COA7: variants seen among roughly 807,000 people sequenced by gnomAD.
COA7 encodes the protein cytochrome c oxidase assembly factor 7.
Under a neutral mutation model 21.0 loss-of-function variants are expected in COA7, and 12 were observed. The observed-to-expected ratio is 0.57, with a 90% CI of 0.37 to 0.92. The LOEUF is 0.92. Among genes scored for constraint, COA7 ranks in the 40% least tolerant of loss-of-function variants. COA7 has a pLI of 0.01. For synonymous variants in COA7, 95 were observed against 107.4 expected (o/e 0.88, Z 0.72); for missense variants, 240 against 286.1 (o/e 0.84, Z 1.16).
intron 2 of COA7, among the ~76,000 whole-genome samples, chr1:52,690,552 C>G (rs1290935112): frequency 6.6e-6 from 1 of 152,038 alleles, no homozygotes. Context: ...AAACTGCTGA[C>G]CTACAAATTA....
chr1:52,692,858 CG>C lies in COA7; in HGVS notation c.115del (p.Arg39GlyfsTer20). 1 of 1,614,130 alleles carries C rather than the reference CG, an allele frequency of 6.2e-7. No individual in the cohort carries two copies. ...YHEKDPDGCY[R>X]LVDYLEGIRK... ...GATCCCTTCCAAATAGTCCACCAGC[CG>C]ATAGCAACCTGCGAGAAGAGGGCAA... On this transcript the variant is annotated frameshift_variant, in exon 2 of 3. Transcript: ENST00000371538. LOFTEE classifies it high-confidence loss of function.
rs1349423349 is a variant in COA7, at chr1:52,698,214, C to G, written c.106+7G>C. 1 of 1,601,812 alleles carries G rather than the reference C, an allele frequency of 6.2e-7. No homozygotes were observed. Among genetic ancestry groups the G allele is most frequent in the East Asian group, 2.2e-5 (1 of 44,768 alleles). On this transcript the variant is annotated splice_region_variant and intron_variant, in intron 1 of 2. Transcript: ENST00000371538. ...ACGCGTCGCCGGGCTGCGCTGGAGCCGCTCACCGTCCGGGTCCTTCTCGTG... is the reference window on the plus strand; with the variant it reads ...ACGCGTCGCCGGGCTGCGCTGGAGCGGCTCACCGTCCGGGTCCTTCTCGTG...
rs1455633612 is a variant in COA7 at position 52,686,165 on chromosome 1, C to G, written c.*1555G>C. The G allele has an allele frequency of 6.6e-6, 1 of 151,986 alleles. No homozygotes were observed. The highest frequency in any genetic ancestry group is 2.4e-5 in the African/African-American group (1 of 41,380). The allele number at this position is 151,986 out of a possible 1,614,324, so 9.4% of individuals were successfully genotyped here. A position where few individuals can be genotyped will look rare whatever the true frequency, so the allele number is the denominator to read the frequency against. ...ACAGGCATGAGCCACCACGCCTGGC[C>G]TGACCTAGTTTAAGCACACCAAAAG... On this transcript the variant is annotated 3_prime_UTR_variant, in exon 3 of 3. Transcript: ENST00000371538.
intron 2 of COA7, among the ~76,000 whole-genome samples, chr1:52,691,214 G>A (rs1170898038): frequency 6.6e-6 from 1 of 151,854 alleles, no homozygotes; most frequent in Non-Finnish European, 1.5e-5. Context: ...CCAGGAGTTT[G>A]AGACCAGCCT....
At chr1:52,697,586 T>A (rs1001574947) in intron 1 of COA7, among the ~76,000 whole-genome samples, 11 of 152,240 alleles carry the variant, frequency 7.2e-5, no homozygotes, top group African/African-American at 2.4e-4. Flanking sequence ...TTATTTATTT[T>A]TTTTGAGACG....
At chr1:52,696,829 G>T (rs778271035) in intron 1 of COA7, among the ~76,000 whole-genome samples, 1 of 150,132 alleles carries the variant, frequency 6.7e-6, no homozygotes, top group Admixed American at 6.6e-5. Context: ...AAAAAAAAAG[G>T]CTGGGCACGG....
Position 52,685,766 on chromosome 1 carries a change from A to G in COA7, c.*1954T>C, listed in dbSNP as rs988363601. On this transcript the variant is annotated 3_prime_UTR_variant, in exon 3 of 3. Coordinates refer to ENST00000371538, the MANE Select transcript of COA7 (RefSeq NM_023077.3). ...TTTTTAGTAGATACGAGGTTTCACT[A>G]TGTTGGCCAGGCTGTTCTCGAAATC... 2 of 152,042 alleles carry G rather than the reference A, an allele frequency of 1.3e-5. No homozygotes were observed. Among genetic ancestry groups the G allele is most frequent in the African/African-American group, 4.8e-5 (2 of 41,354 alleles). The allele number at this position is 152,042 out of a possible 1,614,324, so 9.4% of individuals were successfully genotyped here.
chr1:52,688,051 T>C lies in COA7; in HGVS notation c.365A>G (p.Gln122Arg). Residue 122 changes from glutamine (Q) to arginine (R), a missense_variant, in exon 3 of 3, where the codon CAG becomes CGG. By Grantham distance (43) the Gln-to-Arg change is conservative. This residue lies in a region of COA7 where 163 missense variants were observed against 214.1 expected (regional missense o/e 0.76). Coordinates refer to ENST00000371538, the MANE Select transcript of COA7 (RefSeq NM_023077.3). ...GTCAGGCTGGCCATCCTCATTAACCTGTCCATCATGTGCCAGGAGGCCAAC... is the reference window on the plus strand; with the variant it reads ...GTCAGGCTGGCCATCCTCATTAACCCGTCCATCATGTGCCAGGAGGCCAAC... ...HNVGLLAHDG[Q>R]VNEDGQPDLG... is the part of the protein sequence containing the mutation. The C allele has an allele frequency of 1.2e-6, 2 of 1,614,200 alleles. No individual in the cohort carries two copies. The highest frequency in any genetic ancestry group is 1.7e-6 in the Non-Finnish European group (2 of 1,180,030).
intron 1 of COA7, among the ~76,000 whole-genome samples, chr1:52,696,501 C>T (rs1356621175): frequency 1.3e-5 from 2 of 151,974 alleles, no homozygotes; most frequent in African/African-American, 4.8e-5. Flanking sequence ...AGCCATCATA[C>T]TGCAGAGCAA....
At chr1:52,693,112 C>A (rs965200176) in intron 1 of COA7, among the ~76,000 whole-genome samples, 2 of 152,190 alleles carry the variant, frequency 1.3e-5, no homozygotes, top group African/African-American at 2.4e-5. Flanking sequence ...GAGACCTCAG[C>A]CCCTGCATTG....
chr1:52,688,420 A>G (rs915643121), intron 2 of COA7, among the ~76,000 whole-genome samples: 13 of 151,938 alleles, frequency 8.6e-5, no homozygotes, highest in Non-Finnish European at 1.6e-4. Context: ...CTAATTTTTA[A>G]ATTTTTTTGT....
In COA7 at chr1:52,687,170, A is replaced by C; in HGVS notation, c.*550T>G. The C allele has an allele frequency of 6.4e-6, 1 of 156,094 alleles. No homozygotes were observed. Among genetic ancestry groups the C allele is most frequent in the East Asian group, 1.9e-4 (1 of 5,284 alleles). The allele number at this position is 156,094 out of a possible 1,614,324, so 9.7% of individuals were successfully genotyped here. ...TAAAGGCAAAACGAAGCCCACACCA[A>C]TGATTATGTAAGTCAGAGGGTGGTA... is the stretch of plus-strand genomic sequence containing the variant. On this transcript the variant is annotated 3_prime_UTR_variant, in exon 3 of 3. Coordinates refer to ENST00000371538, the MANE Select transcript of COA7 (RefSeq NM_023077.3).
intron 1 of COA7, among the ~76,000 whole-genome samples, chr1:52,696,014 T>C (rs932966757): frequency 1.3e-5 from 2 of 152,150 alleles, no homozygotes; most frequent in Non-Finnish European, 2.9e-5. Context: ...TTCCAAAAGA[T>C]AGCACTTTCT....
At position 52,685,338 on chromosome 1, in the gene COA7, T is replaced by C. The variant is rs1643993225; in HGVS notation, c.*2382A>G. 1 of 152,280 alleles carries C rather than the reference T, an allele frequency of 6.6e-6. No homozygotes were observed. The highest frequency in any genetic ancestry group is 2.4e-5 in the African/African-American group (1 of 41,478). The allele number at this position is 152,280 out of a possible 1,614,324, so 9.4% of individuals were successfully genotyped here. A position where few individuals can be genotyped will look rare whatever the true frequency, so the allele number is the denominator to read the frequency against. ...ATAGTTGTATAGTGGTCTGTTGTTCTAACTTGCATTTTCCTGATGACATGT... is the reference window on the plus strand; with the variant it reads ...ATAGTTGTATAGTGGTCTGTTGTTCCAACTTGCATTTTCCTGATGACATGT... On this transcript the variant is annotated 3_prime_UTR_variant, in exon 3 of 3. Transcript: ENST00000371538.
rs138586282 is a variant in COA7 at position 52,685,579 on chromosome 1, T to C, written c.*2141A>G. 6.6e-6 allele frequency: 1 copy of C among 151,758 alleles called. No homozygotes were observed. Among genetic ancestry groups the C allele is most frequent in the Non-Finnish European group, 1.5e-5 (1 of 67,944 alleles). 9.4% of individuals were successfully genotyped at this position (151,758 alleles called of 1,614,324 possible). Reference sequence around the variant, plus strand: ...GTTTTGTGTGTGTGTGTGTGTGTGTTTTTTTGAGACAGAGTCTCACTCTGT... The same window carrying C: ...GTTTTGTGTGTGTGTGTGTGTGTGTCTTTTTGAGACAGAGTCTCACTCTGT... On this transcript the variant is annotated 3_prime_UTR_variant, in exon 3 of 3. Transcript: ENST00000371538.
Position 52,687,720 on chromosome 1 carries a change from T to C in COA7, c.696A>G (p.Ter232=). The C allele has an allele frequency of 6.2e-7, 1 of 1,612,864 alleles. No homozygotes were observed. Residue 232 remains the stop codon, a stop_retained_variant, in exon 3 of 3, where the codon TAA becomes TAG. Coordinates refer to ENST00000371538, the MANE Select transcript of COA7 (RefSeq NM_023077.3). ...TGCCTGGGAGGGAGGGTGGACCACA[T>C]TACCCAAATGTTAAGGGTTGGACAC... ...QKGVQPLTFG[*]
At chr1:52,692,167 C>T (rs575027216) in intron 2 of COA7, among the ~76,000 whole-genome samples, 1 of 152,334 alleles carries the variant, frequency 6.6e-6, no homozygotes, top group South Asian at 2.1e-4. Context: ...GGCTCCCTGG[C>T]CAATGTCTTG....
chr1:52,695,973 G>C (rs1345503856), intron 1 of COA7, among the ~76,000 whole-genome samples: 1 of 152,014 alleles, frequency 6.6e-6, no homozygotes, highest in Admixed American at 6.6e-5. Context: ...CCAGACTCCC[G>C]CTTCAAACGT....
In COA7 at chr1:52,685,690, T is replaced by C. The variant is rs435883; in HGVS notation, c.*2030A>G. ...AAGCGATTCTCCTGCCTCAGCCTCC[T>C]GAATAGCTGGGACAACAGGTGCCCA... On this transcript the variant is annotated 3_prime_UTR_variant, in exon 3 of 3. Transcript: ENST00000371538. 56,434 of 151,550 alleles carry C rather than the reference T, an allele frequency of 0.37. 10,789 individuals carry two copies. Among genetic ancestry groups the C allele is most frequent in the African/African-American group, 0.43 (17,692 of 41,272 alleles). The allele number at this position is 151,550 out of a possible 1,614,324, so 9.4% of individuals were successfully genotyped here. A position where few individuals can be genotyped will look rare whatever the true frequency, so the allele number is the denominator to read the frequency against.
Sources: gnomAD v4.1 joint callset for allele counts (sites outside exome capture counted in the v4.1 genomes callset) on GRCh38, gnomAD v4.1.1 for gene constraint, gnomAD v4.1.1 regional missense constraint, MANE v1.5 for transcripts, NCBI Gene and HGNC (gene_info 2026-07-23, HGNC 2026-07-21) for gene names.